ENPP2: variants seen among roughly 807,000 people sequenced by gnomAD.
ENPP2 encodes the protein autotaxin.
In ENPP2, 51 loss-of-function variants were observed where a neutral mutation model predicts 120.2. The observed-to-expected ratio is 0.42, with a 90% CI of 0.34 to 0.54. The LOEUF (loss-of-function observed/expected upper bound fraction) is 0.54, where lower values mean the gene tolerates loss of function less well. ENPP2 is among the 20% of genes least tolerant of loss of function. ENPP2 has a pLI of 0.04. For synonymous variants in ENPP2, 365 were observed against 366.4 expected (o/e 1.00, Z 0.04); for missense variants, 920 against 1,066.5 (o/e 0.86, Z 1.91).
chr8:119,618,487 C>A (rs1407203765), intron 5 of ENPP2: 7 of 374,668 alleles, frequency 1.9e-5, no homozygotes, highest in Non-Finnish European at 3.6e-5. Flanking sequence ...TTAATTCTCT[C>A]TTTGGTTGCT....
intron 23 of ENPP2, among the ~76,000 whole-genome samples, chr8:119,563,721 G>T (rs142715963): frequency 2.6e-5 from 4 of 151,762 alleles, no homozygotes; most frequent in Non-Finnish European, 5.9e-5. Flanking sequence ...TTAAAATTAC[G>T]ATTTAACTAC....
In ENPP2 at chr8:119,570,803, G is replaced by A. The variant is rs369390932; in HGVS notation, c.1819C>T (p.Arg607Trp). Residue 607 changes from arginine to tryptophan, a missense_variant, in exon 20 of 25, where the codon CGG becomes TGG. Transcript: ENST00000075322. ...TGATATAAGATATCATATCTAGTCC[G>A]ATAAAGCACTGCAGGTCGCCCATAG... ...LLYGRPAVLY[R>W]TRYDILYHTD... 7.7e-5 allele frequency: 122 copies of A among 1,580,114 alleles called. No individual in the cohort carries two copies. The highest frequency in any genetic ancestry group is 9.4e-5 in the Non-Finnish European group (109 of 1,165,436).
At chr8:119,610,299 T>A (rs1815003660) in intron 8 of ENPP2, among the ~76,000 whole-genome samples, 1 of 152,198 alleles carries the variant, frequency 6.6e-6, no homozygotes, top group East Asian at 1.9e-4. Flanking sequence ...AAATTCTGCC[T>A]GTTTCTTGGT....
chr8:119,604,919 G>A (rs561353111), intron 9 of ENPP2, among the ~76,000 whole-genome samples: 8 of 151,618 alleles, frequency 5.3e-5, no homozygotes, highest in East Asian at 1.9e-4. Context: ...GATTACAGGC[G>A]CCCACCACCA....
At chr8:119,594,037 T>C (rs1813721844) in intron 11 of ENPP2, among the ~76,000 whole-genome samples, 177 bp from the exon 12 acceptor site, 1 of 152,230 alleles carries the variant, frequency 6.6e-6, no homozygotes, top group Non-Finnish European at 1.5e-5. Flanking sequence ...CACGTTATAT[T>C]TGTATTCTTT....
chr8:119,633,560 A>G (rs1306713944), intron 2 of ENPP2, among the ~76,000 whole-genome samples: 1 of 151,882 alleles, frequency 6.6e-6, no homozygotes, highest in Admixed American at 6.6e-5. Context: ...GGCATTCAAG[A>G]TGCTGCCCAG....
chr8:119,558,877 A>G (rs1270891608), intron 24 of ENPP2, among the ~76,000 whole-genome samples: 2 of 152,128 alleles, frequency 1.3e-5, no homozygotes, highest in Non-Finnish European at 2.9e-5. Flanking sequence ...TCAGTGAACT[A>G]TCCACCAAAG....
chr8:119,655,057 A>G (rs2130882997), intron 1 of ENPP2, among the ~76,000 whole-genome samples: 1 of 152,354 alleles, frequency 6.6e-6, no homozygotes, highest in Middle Eastern at 3.4e-3. Flanking sequence ...AGAGAGAAAG[A>G]AAATATTGGT....
intron 15 of ENPP2, among the ~76,000 whole-genome samples, chr8:119,585,492 T>A (rs1813040893): frequency 6.6e-6 from 1 of 152,184 alleles, no homozygotes. Flanking sequence ...GTTCAATTAT[T>A]GAGATAGACA....
At chr8:119,612,660 C>T (rs1815190107) in intron 8 of ENPP2, among the ~76,000 whole-genome samples, 3 of 152,176 alleles carry the variant, frequency 2.0e-5, no homozygotes, top group Non-Finnish European at 4.4e-5. Flanking sequence ...GAGGCTGAGG[C>T]AGGCACCTTG....
intron 13 of ENPP2, among the ~76,000 whole-genome samples, chr8:119,587,815 T>C (rs1197501837): frequency 6.6e-6 from 1 of 152,188 alleles, no homozygotes; most frequent in African/African-American, 2.4e-5. Context: ...TGGATTTTGT[T>C]TTGTTTTCAG....
intron 2 of ENPP2, among the ~76,000 whole-genome samples, chr8:119,629,372 T>C (rs1336394827): frequency 6.6e-6 from 1 of 152,226 alleles, no homozygotes; most frequent in African/African-American, 2.4e-5. Flanking sequence ...TTTTTCATTT[T>C]TTATAATTCA....
chr8:119,557,806 A>C (rs566964839), intron 24 of ENPP2, 115 bp from the exon 25 acceptor site: 1 of 797,402 alleles, frequency 1.3e-6, no homozygotes, highest in African/African-American at 1.8e-5. Context: ...CACAGAGCCA[A>C]CGCATGTTGA....
chr8:119,638,307 A>G, intron 2 of ENPP2, 118 bp downstream of exon 2: 2 of 602,826 alleles, frequency 3.3e-6, no homozygotes. Flanking sequence ...GAAATTTAGG[A>G]CTAACTTAGT....
chr8:119,579,197 G>A (rs1812554340), intron 19 of ENPP2, among the ~76,000 whole-genome samples: 1 of 152,132 alleles, frequency 6.6e-6, no homozygotes. Context: ...CAGATAAAAA[G>A]AGCCTGCATG....
chr8:119,588,925 G>A, intron 13 of ENPP2, among the ~76,000 whole-genome samples: 1 of 152,122 alleles, frequency 6.6e-6, no homozygotes, highest in Non-Finnish European at 1.5e-5. Flanking sequence ...AGCTAATCTG[G>A]CTTCAAATCT....
chr8:119,582,123 C>T (rs1587383723), intron 18 of ENPP2, among the ~76,000 whole-genome samples: 2 of 152,294 alleles, frequency 1.3e-5, no homozygotes, highest in African/African-American at 4.8e-5. Flanking sequence ...TTGAAGAAAA[C>T]AGAAAAAGAT....
At chr8:119,568,668 A>G (rs912657529) in intron 21 of ENPP2, among the ~76,000 whole-genome samples, 6 of 152,026 alleles carry the variant, frequency 3.9e-5, no homozygotes, top group Admixed American at 1.3e-4. Context: ...TGGCCTGATC[A>G]CAGCCCACTG....
At chr8:119,586,762 G>C (rs942651297) in intron 14 of ENPP2, among the ~76,000 whole-genome samples, 10 of 152,152 alleles carry the variant, frequency 6.6e-5, no homozygotes, top group African/African-American at 2.2e-4. Flanking sequence ...CTGGTTCAGG[G>C]AAAGTAAAGA....
Sources: gnomAD v4.1 joint callset for allele counts (sites outside exome capture counted in the v4.1 genomes callset) on GRCh38, gnomAD v4.1.1 for gene constraint, MANE v1.5 for transcripts, NCBI Gene and HGNC (gene_info 2026-07-23, HGNC 2026-07-21) for gene names.